SORL1: variants seen among roughly 807,000 people sequenced by gnomAD.
The protein encoded by SORL1 is sortilin-related receptor.
Under a neutral mutation model 273.7 loss-of-function variants are expected in SORL1, and 127 were observed. That is an observed-to-expected ratio of 0.46 (90% CI 0.40 to 0.54). The LOEUF (loss-of-function observed/expected upper bound fraction) is 0.54, where lower values mean the gene tolerates loss of function less well. Among genes scored for constraint, SORL1 ranks in the 20% least tolerant of loss-of-function variants. The probability of loss-of-function intolerance (pLI) is 0.00; values close to 1 mark genes in which losing one functional copy is unlikely to be tolerated. For synonymous variants in SORL1, 1,031 were observed against 1,067.4 expected (o/e 0.97, Z 0.66); for missense variants, 2,494 against 2,846.1 (o/e 0.88, Z 2.81).
At chr11:121,501,187 A>G (rs1208870266) in intron 6 of SORL1, among the ~76,000 whole-genome samples, 1 of 152,252 alleles carries the variant, frequency 6.6e-6, no homozygotes. Context: ...AACTATAACA[A>G]TACATTTAAA....
chr11:121,477,480 T>TC (rs1861290844), intron 2 of SORL1, among the ~76,000 whole-genome samples: 1 of 152,234 alleles, frequency 6.6e-6, no homozygotes, highest in African/African-American at 2.4e-5. Context: ...AACACTGAAC[T>TC]CAGCCCCGGT....
intron 32 of SORL1, among the ~76,000 whole-genome samples, chr11:121,600,820 A>G (rs1443724335): frequency 6.6e-6 from 1 of 152,218 alleles, no homozygotes; most frequent in Non-Finnish European, 1.5e-5. Flanking sequence ...TCATCGGTTA[A>G]TTATCAGTTT....
At chr11:121,477,894 TG>T (rs1591552738) in intron 2 of SORL1, among the ~76,000 whole-genome samples, 1 of 151,822 alleles carries the variant, frequency 6.6e-6, no homozygotes, top group East Asian at 1.9e-4. Context: ...TAGCTGGGCG[TG>T]GTGGCAGGTG....
At chr11:121,626,670 G>C (rs1416613460) in intron 46 of SORL1, 1 of 152,226 alleles carries the variant, frequency 6.6e-6, no homozygotes, top group African/African-American at 2.4e-5. Flanking sequence ...CCCTGAGCCT[G>C]TTGAGGCTCC....
At chr11:121,532,687 CTT>C (rs35892410) in intron 12 of SORL1, 135 bp downstream of exon 12, 8,961 of 504,198 alleles carry the variant, frequency 0.018, no homozygotes, top group South Asian at 0.025. Context: ...ATGAGTTAAA[CTT>C]TTTTTTTTTT....
chr11:121,566,797 C>T (rs2134921498), intron 21 of SORL1, 143 bp from the exon 22 acceptor site: 1 of 740,878 alleles, frequency 1.3e-6, no homozygotes, highest in South Asian at 1.9e-5. Flanking sequence ...CAGTAGGCGC[C>T]CCAAAGCTTG....
chr11:121,567,257 C>G, intron 22 of SORL1, 144 bp downstream of exon 22: 1 of 715,592 alleles, frequency 1.4e-6, no homozygotes, highest in South Asian at 1.9e-5. Context: ...CTACCAGATA[C>G]TCATAAGAAT....
intron 38 of SORL1, chr11:121,609,964 A>C (rs1163330640): frequency 1.3e-5 from 2 of 152,216 alleles, no homozygotes; most frequent in African/African-American, 4.8e-5. Flanking sequence ...CAGCTTTACC[A>C]TATGCAGCAC....
At chr11:121,514,057 A>G in intron 7 of SORL1, 95 bp from the exon 8 acceptor site, 1 of 1,362,534 alleles carries the variant, frequency 7.3e-7, no homozygotes, top group Non-Finnish European at 1.0e-6. Context: ...ATTCATCGCT[A>G]GAACATTTGA....
chr11:121,617,305 A>G (rs1485101972), intron 41 of SORL1, among the ~76,000 whole-genome samples: 1 of 152,228 alleles, frequency 6.6e-6, no homozygotes, highest in East Asian at 1.9e-4. Context: ...GGCCATTTCA[A>G]GATATGACAA....
chr11:121,520,610 A>G, intron 8 of SORL1, 47 bp from the exon 9 acceptor site: 1 of 1,315,194 alleles, frequency 7.6e-7, no homozygotes, highest in Non-Finnish European at 1.0e-6. Flanking sequence ...TTACAATAAC[A>G]AGCAAATACC....
At chr11:121,602,852 A>G (rs1481835988) in intron 32 of SORL1, among the ~76,000 whole-genome samples, 2 of 152,258 alleles carry the variant, frequency 1.3e-5, no homozygotes, top group African/African-American at 4.8e-5. Context: ...AGCTTGGCCT[A>G]CGTGCAGAGA....
rs772934323 is a variant in SORL1, at chr11:121,605,385, A to T, written c.4779-17A>T. The stretch of plus-strand genomic sequence containing the variant: ...GCTGCTCCAGTGTGACAATATCTTT[A>T]TTTTTTTTTGGGCCAGGGTGGTTGG... On this transcript the variant is annotated splice_polypyrimidine_tract_variant and intron_variant, in intron 34 of 47. Coordinates refer to ENST00000260197, the MANE Select transcript of SORL1 (RefSeq NM_003105.6). The T allele has an allele frequency of 6.3e-7, 1 of 1,576,810 alleles. No homozygotes were observed. The highest frequency in any genetic ancestry group is 1.7e-5 in the Admixed American group (1 of 58,274).
Position 121,630,288 on chromosome 11 carries a change from C to G in SORL1, c.*725C>G, listed in dbSNP as rs575279992. 1 of 152,202 alleles carries G rather than the reference C, an allele frequency of 6.6e-6. No homozygotes were observed. Among genetic ancestry groups the G allele is most frequent in the African/African-American group, 2.4e-5 (1 of 41,448 alleles). The allele number at this position is 152,202 out of a possible 1,614,324, so 9.4% of individuals were successfully genotyped here. On this transcript the variant is annotated 3_prime_UTR_variant, in exon 48 of 48. Transcript: ENST00000260197. ...CTTGGGAAGCCCTGTAAGCCCACAG[C>G]TTCCTCTCTTATATTAATTGATGGA...
chr11:121,607,159 C>A, intron 36 of SORL1, 27 bp from the exon 37 acceptor site: 1 of 1,419,964 alleles, frequency 7.0e-7, no homozygotes, highest in Non-Finnish European at 1.0e-6. Context: ...GTTCCCTTTA[C>A]TCACATTTTT....
Position 121,622,328 on chromosome 11 carries a change from A to G in SORL1, c.6171+60A>G. On this transcript the variant is annotated intron_variant, in intron 45 of 47. Transcript: ENST00000260197. ...ATTTAATTGAAATGCTGTTTCAGAG[A>G]TGAGCTTGTTGACAGCATGCTGGCA... The G allele has an allele frequency of 3.2e-6, 3 of 945,170 alleles. No individual in the cohort carries two copies. In the Middle Eastern group the frequency reaches 6.4e-4, roughly 202 times the overall value. 58.5% of individuals were successfully genotyped at this position (945,170 alleles called of 1,614,324 possible).
intron 3 of SORL1, among the ~76,000 whole-genome samples, chr11:121,486,738 C>A (rs2134808770): frequency 6.6e-6 from 1 of 152,184 alleles, no homozygotes; most frequent in East Asian, 1.9e-4. Context: ...CTCAGCCTCC[C>A]AAAGTGCTGG....
intron 1 of SORL1, among the ~76,000 whole-genome samples, chr11:121,461,889 TGAAAA>T (rs1360946694): frequency 6.6e-6 from 1 of 152,238 alleles, no homozygotes; most frequent in African/African-American, 2.4e-5. Context: ...CATTTGGTAA[TGAAAA>T]GAAATGATGT....
rs921785310 is a variant in SORL1 at position 121,452,785 on chromosome 11, A to T, written c.285+169A>T. ...GTACAACCGTCAGCACTTGAATCGC[A>T]TTGATCTTTCCTTCTTCCTGTCGAT... is the stretch of plus-strand genomic sequence containing the variant. On this transcript the variant is annotated intron_variant, in intron 1 of 47. Transcript: ENST00000260197. This position sits in a 1 kb window ranked among gnomAD's most constrained non-coding sequence, Gnocchi z 5.3. 10 of 544,900 alleles carry T rather than the reference A, an allele frequency of 1.8e-5. No homozygotes were observed. The highest frequency in any genetic ancestry group is 6.0e-6 in the Non-Finnish European group (2 of 331,572). 33.8% of individuals were successfully genotyped at this position (544,900 alleles called of 1,614,324 possible). A position where few individuals can be genotyped will look rare whatever the true frequency, so the allele number is the denominator to read the frequency against.
Sources: gnomAD v4.1 joint callset for allele counts (sites outside exome capture counted in the v4.1 genomes callset) on GRCh38, gnomAD v4.1.1 for gene constraint, Gnocchi (gnomAD v3.1) non-coding constraint, MANE v1.5 for transcripts, NCBI Gene and HGNC (gene_info 2026-07-23, HGNC 2026-07-21) for gene names.